MYOT: variants seen among roughly 807,000 people sequenced by gnomAD.
MYOT encodes the protein myotilin.
Under a neutral mutation model 58.0 loss-of-function variants are expected in MYOT, and 36 were observed. The observed-to-expected ratio is 0.62, with a 90% confidence interval of 0.48 to 0.82. The LOEUF is 0.82. MYOT is among the 40% of genes least tolerant of loss of function. The probability of loss-of-function intolerance (pLI) is 0.00; values close to 1 mark genes in which losing one functional copy is unlikely to be tolerated. For synonymous variants in MYOT, 218 were observed against 204.6 expected (o/e 1.07, Z -0.56); for missense variants, 505 against 592.1 (o/e 0.85, Z 1.53).
At chr5:137,880,694 C>G (rs563006816) in intron 4 of MYOT, 122 bp from the exon 5 acceptor site, 5 of 790,498 alleles carry the variant, frequency 6.3e-6, no homozygotes, top group Non-Finnish European at 1.1e-5. Context: ...ATATATAGAA[C>G]TTACCAGGGC....
Position 137,887,449 on chromosome 5 carries a change from T to C in MYOT, c.*64T>C. 1 of 1,514,662 alleles carries C rather than the reference T, an allele frequency of 6.6e-7. No homozygotes were observed. The highest frequency in any genetic ancestry group is 9.1e-7 in the Non-Finnish European group (1 of 1,095,680). The allele number at this position is 1,514,662 out of a possible 1,614,324, so 93.8% of individuals were successfully genotyped here. A position where few individuals can be genotyped will look rare whatever the true frequency, so the allele number is the denominator to read the frequency against. On this transcript the variant is annotated 3_prime_UTR_variant, in exon 10 of 10. Transcript: ENST00000239926. ...TAGTAATATATTTGATTACATTTTT[T>C]TGAAATTAATCCATAGCTGTATTAA...
intron 4 of MYOT, chr5:137,880,548 G>T: frequency 2.6e-6 from 1 of 381,438 alleles, no homozygotes; most frequent in East Asian, 5.4e-5. Flanking sequence ...ATAGTCATCT[G>T]AAAAATGAAC....
intron 4 of MYOT, 124 bp downstream of exon 4, chr5:137,877,745 A>G: frequency 1.4e-6 from 1 of 721,638 alleles, no homozygotes; most frequent in Non-Finnish European, 2.5e-6. Flanking sequence ...CACTGGATAC[A>G]TAAAGAGGCC....
chr5:137,869,374 G>A (rs868129475), intron 1 of MYOT, among the ~76,000 whole-genome samples: 9 of 152,028 alleles, frequency 5.9e-5, no homozygotes, highest in Admixed American at 6.6e-5. Context: ...ATATAGTCCC[G>A]CTTAGGTTTA....
chr5:137,880,784 T>G, intron 4 of MYOT, 32 bp from the exon 5 acceptor site: 1 of 1,573,248 alleles, frequency 6.4e-7, no homozygotes, highest in Non-Finnish European at 8.7e-7. Context: ...AACAATTGCA[T>G]GTAAACATTC....
At chr5:137,874,638 T>C (rs1755153760) in intron 2 of MYOT, among the ~76,000 whole-genome samples, 1 of 152,040 alleles carries the variant, frequency 6.6e-6, no homozygotes, top group African/African-American at 2.4e-5. Context: ...ACAAGGGAAA[T>C]ACGGGAGGGG....
rs973054560 is a variant in MYOT at position 137,886,254 on chromosome 5, T to A, written c.1190+41T>A. On this transcript the variant is annotated intron_variant, in intron 8 of 9. Coordinates refer to ENST00000239926, the MANE Select transcript of MYOT (RefSeq NM_006790.3). Reference sequence around the variant, plus strand: ...CTAGACTTACTATAGTTTATTTGGGTGAATCCAGTTATACTTTTTAACATG... The same window carrying A: ...CTAGACTTACTATAGTTTATTTGGGAGAATCCAGTTATACTTTTTAACATG... 7.3e-6 allele frequency: 11 copies of A among 1,496,654 alleles called. No homozygotes were observed. In the African/African-American group the frequency reaches 1.5e-4, roughly 21 times the overall value. The allele number at this position is 1,496,654 out of a possible 1,614,324, so 92.7% of individuals were successfully genotyped here.
chr5:137,882,075 T>G lies in MYOT; in HGVS notation c.786T>G (p.Asp262Glu), dbSNP rs751823415. ...FIQVPENMSI[D>E]EGRFCRMDFK... ...AAGTGCCAGAGAACATGTCGATTGA[T>G]GAAGGAAGATTCTGCAGAATGGACT... Residue 262 changes from aspartate (D) to glutamate (E), a missense_variant, in exon 6 of 10, where the codon GAT (aspartate) becomes GAG (glutamate). Asp to Glu is a conservative substitution (Grantham distance 45, BLOSUM62 2). Transcript: ENST00000239926. 1.2e-6 allele frequency: 2 copies of G among 1,614,186 alleles called. No homozygotes were observed. The highest frequency in any genetic ancestry group is 1.7e-6 in the Non-Finnish European group (2 of 1,180,022).
Position 137,870,790 on chromosome 5 carries a change from T to C in MYOT, c.139T>C (p.Cys47Arg). 2.5e-6 allele frequency: 4 copies of C among 1,614,150 alleles called. No individual in the cohort carries two copies. Among genetic ancestry groups the C allele is most frequent in the Non-Finnish European group, 2.5e-6 (3 of 1,180,024 alleles). Reference protein sequence around the residue: ...QSSIIIQPRQCTEQRFSASST... With the variant: ...QSSIIIQPRQRTEQRFSASST... Reference sequence around the variant, plus strand: ...TTCCATTATCATCCAGCCCCGCCAGTGTACAGAGCAAAGATTTTCTGCCTC... The same window carrying C: ...TTCCATTATCATCCAGCCCCGCCAGCGTACAGAGCAAAGATTTTCTGCCTC... Residue 47 changes from cysteine (C) to arginine (R), a missense_variant, in exon 2 of 10, where the codon TGT becomes CGT. Cys to Arg is a radical substitution (Grantham distance 180, BLOSUM62 -3). Transcript: ENST00000239926.
At chr5:137,876,062 T>C in intron 3 of MYOT, 59 bp downstream of exon 3, 4 of 1,559,368 alleles carry the variant, frequency 2.6e-6, no homozygotes, top group Non-Finnish European at 3.5e-6. Flanking sequence ...CTAATTTTAA[T>C]AAGGAAGTTC....
rs777691147 is a variant in MYOT at position 137,870,811 on chromosome 5, GCCT to G, written c.165_167del (p.Ser56del). 6 of 1,613,974 alleles carry G rather than the reference GCCT, an allele frequency of 3.7e-6. No individual in the cohort carries two copies. In the African/African-American group the frequency reaches 6.7e-5, roughly 18 times the overall value. On this transcript the variant is annotated inframe_deletion, in exon 2 of 10. Transcript: ENST00000239926. Reference sequence around the variant, plus strand: ...CCAGTGTACAGAGCAAAGATTTTCTGCCTCCTCAACACTGAGCTCTCACATCAC... The same window carrying G: ...CCAGTGTACAGAGCAAAGATTTTCTGCCTCAACACTGAGCTCTCACATCAC...
In MYOT at chr5:137,870,288, GACACACAC is replaced by G. The variant is rs35301804; in HGVS notation, c.-211-121_-211-114del. Among the ~76,000 whole-genome samples, 70 of 127,080 alleles carry G rather than the reference GACACACAC, an allele frequency of 5.5e-4. No individual in the cohort carries two copies. The East Asian group carries it at 8.2e-3, about 15-fold the overall frequency. The allele number at this position is 127,080 out of a possible 152,430, so 83.4% of individuals were successfully genotyped here. ...TATGTTCGCCTGGGCGATTAAGCAA[GACACACAC>G]ACACACACACACACACACACACACA... On this transcript the variant is annotated intron_variant, in intron 1 of 9. Transcript: ENST00000239926.
At chr5:137,871,463 T>G (rs911985054) in intron 2 of MYOT, among the ~76,000 whole-genome samples, 3 of 152,202 alleles carry the variant, frequency 2.0e-5, no homozygotes, top group African/African-American at 4.8e-5. Context: ...TCTCAGTCTT[T>G]TCTTCCTATC....
intron 1 of MYOT, among the ~76,000 whole-genome samples, chr5:137,869,625 A>T (rs1432936399): frequency 1.3e-5 from 2 of 152,182 alleles, no homozygotes; most frequent in African/African-American, 4.8e-5. Flanking sequence ...AAAGAGCTAA[A>T]GCAATTTCAA....
At position 137,870,423 on chromosome 5, in the gene MYOT, T is replaced by G; in HGVS notation, c.-211-18T>G. ...TTGTTTAAGCAAATATTGTAACAAT[T>G]ATTTTCTCCTTTTGAAGGAACAATA... is the stretch of plus-strand genomic sequence containing the variant. On this transcript the variant is annotated intron_variant, in intron 1 of 9. Coordinates refer to ENST00000239926, the MANE Select transcript of MYOT (RefSeq NM_006790.3). The G allele has an allele frequency of 1.7e-6, 1 of 597,800 alleles. No individual in the cohort carries two copies. The highest frequency in any genetic ancestry group is 3.0e-6 in the Non-Finnish European group (1 of 336,044). The allele number at this position is 597,800 out of a possible 1,614,324, so 37.0% of individuals were successfully genotyped here.
chr5:137,883,701 T>C, intron 7 of MYOT, 110 bp downstream of exon 7: 2 of 948,862 alleles, frequency 2.1e-6, no homozygotes, highest in African/African-American at 1.6e-5. Context: ...GGTTAATGTC[T>C]ATACAACCTA....
chr5:137,874,717 T>C (rs1561659250), intron 2 of MYOT, among the ~76,000 whole-genome samples: 1 of 152,236 alleles, frequency 6.6e-6, no homozygotes, highest in African/African-American at 2.4e-5. Context: ...TTTTCCAGTT[T>C]ACATTTCTTT....
At chr5:137,873,843 C>T (rs551545226) in intron 2 of MYOT, among the ~76,000 whole-genome samples, 5 of 152,244 alleles carry the variant, frequency 3.3e-5, no homozygotes, top group African/African-American at 1.2e-4. Context: ...ATAGTATCTC[C>T]TATACCCATG....
chr5:137,874,938 G>C (rs1755163088), intron 2 of MYOT, among the ~76,000 whole-genome samples: 2 of 152,184 alleles, frequency 1.3e-5, no homozygotes, highest in African/African-American at 4.8e-5. Context: ...AGCCAGTGGT[G>C]TGCTGGTAAA....
Sources: allele counts gnomAD v4.1 joint callset (sites outside exome capture counted in the v4.1 genomes callset), GRCh38; gene constraint gnomAD v4.1.1; transcripts MANE v1.5; gene names NCBI Gene and HGNC (gene_info 2026-07-23, HGNC 2026-07-21).